The following NLRP5 variants were observed in gnomAD, a reference collection of about 807,000 sequenced individuals.
NLRP5 encodes NACHT, LRR and PYD domains-containing protein 5.
Under a neutral mutation model 113.1 loss-of-function variants are expected in NLRP5, and 93 were observed. The observed-to-expected ratio is 0.82, with a 90% CI of 0.70 to 0.98. NLRP5 has a LOEUF of 0.98. NLRP5 is among the 50% of genes least tolerant of loss of function. The pLI is 0.00. For missense variants in NLRP5, 1,808 were observed against 1,514.3 expected (o/e 1.19, Z -3.22); for synonymous variants, 751 against 600.7 (o/e 1.25, Z -3.66).
At chr19:56,056,583 G>T (rs1360038824) in intron 13 of NLRP5, among the ~76,000 whole-genome samples, 1 of 152,076 alleles carries the variant, frequency 6.6e-6, no homozygotes, top group Non-Finnish European at 1.5e-5. Flanking sequence ...CCCTGCGGTA[G>T]TTAATTTAAC....
the NLRP5 span, among the ~76,000 whole-genome samples, chr19:55,994,108 C>G: frequency 6.6e-6 from 1 of 152,104 alleles, no homozygotes; most frequent in African/African-American, 2.4e-5. Flanking sequence ...GAGTTTCTTT[C>G]TCTGCATCCT....
At position 56,033,668 on chromosome 19, in the gene NLRP5, T is replaced by C. The variant is rs199798290; in HGVS notation, c.2574T>C (p.Cys858=). Residue 858 remains cysteine, a synonymous_variant, in exon 9 of 15, where the codon TGT becomes TGC. Transcript: ENST00000390649. Reference sequence around the variant, plus strand: ...AGGAAGAGGATGTAAGGATGGCGTGTGAAGCCTTAAAACACCCAAAATGTT... The same window carrying C: ...AGGAAGAGGATGTAAGGATGGCGTGCGAAGCCTTAAAACACCCAAAATGTT... 2.0e-4 allele frequency: 323 copies of C among 1,613,900 alleles called. 1 individual carries two copies. The African/African-American group carries it at 2.7e-3, about 13-fold the overall frequency.
intron 11 of NLRP5, among the ~76,000 whole-genome samples, chr19:56,048,379 T>C (rs1397649492): frequency 6.6e-6 from 1 of 152,236 alleles, no homozygotes; most frequent in African/African-American, 2.4e-5. Context: ...TTCCAGGATT[T>C]GTTTCAAGAT....
intron 1 of NLRP5, among the ~76,000 whole-genome samples, chr19:56,001,266 A>C (rs909799381): frequency 6.1e-5 from 9 of 147,462 alleles, no homozygotes; most frequent in African/African-American, 5.0e-5. Context: ...TCGAGGCTGC[A>C]GTGAGCTGTG....
At chr19:56,058,831 G>C (rs379192) in intron 14 of NLRP5, among the ~76,000 whole-genome samples, 1 of 152,076 alleles carries the variant, frequency 6.6e-6, no homozygotes, top group East Asian at 1.9e-4. Flanking sequence ...CCAGGCGCTC[G>C]TGGATGAAAG....
In NLRP5 at chr19:56,027,956, C is replaced by G. The variant is rs771209123; in HGVS notation, c.1723C>G (p.His575Asp). Residue 575 changes from histidine (H) to aspartate (D), a missense_variant, in exon 7 of 15, where the codon CAC becomes GAC. Transcript: ENST00000390649. ...CATGAACATCCTTCTCCCAGACAGCCACTGTGAGGAGTACTACACCTTCTT... is the reference window on the plus strand; with the variant it reads ...CATGAACATCCTTCTCCCAGACAGCGACTGTGAGGAGTACTACACCTTCTT... The G allele has an allele frequency of 6.2e-7, 1 of 1,613,818 alleles. No individual in the cohort carries two copies. Among genetic ancestry groups the G allele is most frequent in the African/African-American group, 1.3e-5 (1 of 74,918 alleles).
the NLRP5 span, among the ~76,000 whole-genome samples, chr19:55,992,439 TCCAC>T: frequency 5.3e-5 from 8 of 152,198 alleles, no homozygotes; most frequent in Non-Finnish European, 8.8e-5. Context: ...TTGAGGAATC[TCCAC>T]CCTGCTTTCC....
chr19:55,993,926 G>C, the NLRP5 span, among the ~76,000 whole-genome samples: 2 of 151,800 alleles, frequency 1.3e-5, no homozygotes, highest in African/African-American at 4.8e-5. Flanking sequence ...CTTAGCTATC[G>C]TGAATAGTGG....
At chr19:56,060,478 C>T (rs397730) in intron 14 of NLRP5, among the ~76,000 whole-genome samples, 29,049 of 151,910 alleles carry the variant, frequency 0.19, 3,035 homozygotes, top group Non-Finnish European at 0.25. Flanking sequence ...AAGAAAATGA[C>T]GTTCTTCGAG....
At chr19:56,026,023 C>T (rs971024961) in intron 6 of NLRP5, among the ~76,000 whole-genome samples, 2 of 151,986 alleles carry the variant, frequency 1.3e-5, no homozygotes, top group Admixed American at 1.3e-4. Flanking sequence ...CCATCAGGTC[C>T]CCAGTGCAAA....
intron 6 of NLRP5, among the ~76,000 whole-genome samples, chr19:56,025,021 A>G (rs1367848304): frequency 2.1e-5 from 3 of 144,424 alleles, no homozygotes. Flanking sequence ...CCTATTGTGA[A>G]CTGCACATGT....
intron 2 of NLRP5, among the ~76,000 whole-genome samples, chr19:56,005,247 ATATATAT>A (rs1471300206): frequency 2.5e-5 from 3 of 120,782 alleles, no homozygotes; most frequent in African/African-American, 9.6e-5. Context: ...ATATACACAC[ATATATAT>A]TTATATATAC....
chr19:56,030,668 TTCACA>T (rs1456486940), intron 7 of NLRP5, among the ~76,000 whole-genome samples: 1 of 150,884 alleles, frequency 6.6e-6, no homozygotes, highest in Non-Finnish European at 1.5e-5. Flanking sequence ...GCTACTTGTG[TTCACA>T]GCTACCCTGT....
In NLRP5 at chr19:56,021,917, G is replaced by A. The variant is rs80114195; in HGVS notation, c.679+1486G>A. On this transcript the variant is annotated intron_variant, in intron 6 of 14. Coordinates refer to ENST00000390649, the MANE Select transcript of NLRP5 (RefSeq NM_153447.4). The stretch of plus-strand genomic sequence containing the variant: ...ATTGCTCTCACCTTTCTTCTGGAAC[G>A]ATCTGGTGGGTGGTGATGCCAGGAG... Among the ~76,000 whole-genome samples, 205 of 152,282 alleles carry A rather than the reference G, an allele frequency of 1.3e-3. 2 individuals are homozygous for A. The highest frequency in any genetic ancestry group is 2.3e-3 in the Non-Finnish European group (154 of 68,014).
At chr19:55,989,760 T>G in the NLRP5 span, among the ~76,000 whole-genome samples, 7 of 152,212 alleles carry the variant, frequency 4.6e-5, no homozygotes, top group African/African-American at 1.7e-4. Flanking sequence ...ACGTTGGTGC[T>G]CAAATTAACC....
At chr19:55,997,862 CA>C (rs11414769), upstream of NLRP5, among the ~76,000 whole-genome samples, 306 of 149,224 alleles carry the variant, frequency 2.1e-3, no homozygotes, top group Middle Eastern at 0.014. Flanking sequence ...CACTCTATCT[CA>C]AAAAAAAAAA....
intron 14 of NLRP5, 21 bp downstream of exon 14, chr19:56,058,431 T>G: frequency 6.3e-7 from 1 of 1,594,560 alleles, no homozygotes; most frequent in East Asian, 2.3e-5. Context: ...AGCAATTGTC[T>G]TCTGAGATAC....
At chr19:56,008,718 T>G in intron 2 of NLRP5, 70 bp from the exon 3 acceptor site, 1 of 1,377,358 alleles carries the variant, frequency 7.3e-7, no homozygotes, top group South Asian at 1.2e-5. Flanking sequence ...ACACGGGACA[T>G]TCTTATCCTT....
At position 56,053,730 on chromosome 19, in the gene NLRP5, A is replaced by G. The variant is rs1391636424; in HGVS notation, c.3221A>G (p.Asp1074Gly). The G allele has an allele frequency of 6.2e-7, 1 of 1,613,970 alleles. No individual in the cohort carries two copies. Among genetic ancestry groups the G allele is most frequent in the Admixed American group, 1.7e-5 (1 of 60,002 alleles). The change falls in exon 13 of 15, where the codon GAC becomes GGC. Residue 1074 changes from aspartate (D) to glycine (G), a missense_variant. Transcript: ENST00000390649. ...CACCTGAAGAGCCTGGATCTCACGG[A>G]CAATGCCCTGGGTGACGGTGGGGTT...
Sources: allele counts gnomAD v4.1 joint callset (sites outside exome capture counted in the v4.1 genomes callset), GRCh38; gene constraint gnomAD v4.1.1; transcripts MANE v1.5; gene names NCBI Gene and HGNC (gene_info 2026-07-23, HGNC 2026-07-21).